Variants in WDR72 observed in about 807,000 individuals in gnomAD.
The protein encoded by WDR72 is WD repeat domain 72, also known as WD repeat-containing protein 72.
A neutral mutation model predicts 124.2 loss-of-function variants in WDR72; 120 were observed. That is an observed-to-expected ratio of 0.97 (90% CI 0.83 to 1.12). The LOEUF is 1.12. Among genes scored for constraint, WDR72 ranks in the 50% most tolerant of loss-of-function variants. The pLI, the probability that WDR72 is intolerant of heterozygous loss-of-function variation, is 0.00. For missense variants in WDR72, 1,387 were observed against 1,278.8 expected (o/e 1.08, Z -1.29); for synonymous variants, 452 against 441.7 (o/e 1.02, Z -0.29).
intron 2 of WDR72, among the ~76,000 whole-genome samples, chr15:53,726,262 G>GTA (rs539475727): frequency 1.8e-5 from 1 of 55,708 alleles, no homozygotes; most frequent in Non-Finnish European, 3.4e-5. Context: ...ATATGTATGT[G>GTA]TGTATATATA....
chr15:53,720,385 T>A (rs1480384354), intron 3 of WDR72, among the ~76,000 whole-genome samples: 2 of 152,206 alleles, frequency 1.3e-5, no homozygotes. Context: ...TTATGTCTTA[T>A]AAAGTTTCTG....
intron 14 of WDR72, among the ~76,000 whole-genome samples, chr15:53,661,780 C>CACATTT (rs1168790278): frequency 1.4e-4 from 21 of 151,836 alleles, no homozygotes; most frequent in Admixed American, 1.4e-3. Context: ...TAGTACTAAC[C>CACATTT]ACATTTCAAA....
intron 13 of WDR72, among the ~76,000 whole-genome samples, chr15:53,675,710 A>G (rs1439352107): frequency 6.6e-6 from 1 of 152,158 alleles, no homozygotes; most frequent in Non-Finnish European, 1.5e-5. Flanking sequence ...GTTCATTTAT[A>G]TGCTTCTGGT....
At chr15:53,527,369 C>A (rs1359223830) in intron 18 of WDR72, among the ~76,000 whole-genome samples, 1 of 151,984 alleles carries the variant, frequency 6.6e-6, no homozygotes, top group East Asian at 1.9e-4. Context: ...TAGGCCTAGG[C>A]AGCGAACAAC....
Position 53,578,936 on chromosome 15 carries a change from AC to A in WDR72, c.3148+18142del, listed in dbSNP as rs1442744029. ...CTGGACTAGGAGAGTCTATAAATGA[AC>A]CATAAAAACCCGATTTCATAGCTTT... On this transcript the variant is annotated intron_variant, in intron 18 of 19. Transcript: ENST00000360509. Among the ~76,000 whole-genome samples, 3 of 152,180 alleles carry A rather than the reference AC, an allele frequency of 2.0e-5. No individual in the cohort carries two copies. The East Asian group carries it at 5.8e-4, about 30-fold the overall frequency.
At chr15:53,595,069 T>C (rs1260059963) in intron 18 of WDR72, among the ~76,000 whole-genome samples, 1 of 152,132 alleles carries the variant, frequency 6.6e-6, no homozygotes, top group Non-Finnish European at 1.5e-5. Flanking sequence ...TTTGTGAATA[T>C]GTTCTTGTTC....
chr15:53,652,468 T>C lies in WDR72; in HGVS notation c.1962+13104A>G, dbSNP rs2015275624. 2.0e-5 allele frequency among the ~76,000 whole-genome samples: 3 copies of C among 152,170 alleles called. No individual in the cohort carries two copies. In the South Asian group the frequency reaches 6.2e-4, roughly 31 times the overall value. On this transcript the variant is annotated intron_variant, in intron 14 of 19. Coordinates refer to ENST00000360509, the MANE Select transcript of WDR72 (RefSeq NM_182758.4). ...GAAGCAATGTTTGCTACTTGGGGGA[T>C]ACAGAATTGTACTAGTCTTTGCATC...
At chr15:53,740,098 T>C (rs2018467219) in intron 1 of WDR72, among the ~76,000 whole-genome samples, 1 of 152,170 alleles carries the variant, frequency 6.6e-6, no homozygotes, top group African/African-American at 2.4e-5. Context: ...CTTCTCTTAC[T>C]TGAATCTTTG....
chr15:53,734,816 A>T (rs996678864), intron 1 of WDR72, among the ~76,000 whole-genome samples: 41 of 112,552 alleles, frequency 3.6e-4, no homozygotes, highest in Admixed American at 1.7e-3. Context: ...ACTAAAAAAA[A>T]AAAATAATAA....
intron 18 of WDR72, among the ~76,000 whole-genome samples, chr15:53,578,707 G>A (rs1375917965): frequency 6.6e-6 from 1 of 151,872 alleles, no homozygotes; most frequent in African/African-American, 2.4e-5. Flanking sequence ...AGAGAAAAGA[G>A]AAGCCATATG....
intron 18 of WDR72, among the ~76,000 whole-genome samples, chr15:53,559,930 G>A (rs375966247): frequency 2.6e-5 from 4 of 151,906 alleles, no homozygotes; most frequent in African/African-American, 7.2e-5. Flanking sequence ...TAAGCCTATT[G>A]GATAATCATT....
intron 18 of WDR72, chr15:53,540,881 C>G (rs539950438): frequency 6.5e-6 from 1 of 154,066 alleles, no homozygotes; most frequent in Non-Finnish European, 1.4e-5. Context: ...AAAGGGGTGA[C>G]GGACGCACCT....
rs376733675 is a variant in WDR72 at position 53,514,297 on chromosome 15, T to A, written c.*3402A>T. ...TATATAACTGAGCAATCAAAATGTA[T>A]GAATATAAAATTTAAAAAATTGAAT... is the stretch of plus-strand genomic sequence containing the variant. On this transcript the variant is annotated 3_prime_UTR_variant, in exon 20 of 20. Transcript: ENST00000360509. 6.6e-6 allele frequency: 1 copy of A among 152,136 alleles called. No individual in the cohort carries two copies. The highest frequency in any genetic ancestry group is 1.5e-5 in the Non-Finnish European group (1 of 68,024). The allele number at this position is 152,136 out of a possible 1,614,324, so 9.4% of individuals were successfully genotyped here. A position where few individuals can be genotyped will look rare whatever the true frequency, so the allele number is the denominator to read the frequency against.
At chr15:53,760,546 G>A (rs115191859), upstream of WDR72, among the ~76,000 whole-genome samples, 835 of 152,240 alleles carry the variant, frequency 5.5e-3, 9 homozygotes, top group African/African-American at 0.019. Flanking sequence ...ACTCCACCGT[G>A]TATATGTACC....
At chr15:53,724,346 A>G (rs1466267824) in intron 2 of WDR72, among the ~76,000 whole-genome samples, 1 of 146,536 alleles carries the variant, frequency 6.8e-6, no homozygotes, top group East Asian at 1.9e-4. Context: ...TGTGTTAACT[A>G]ATTTGATTGT....
chr15:53,713,195 A>ATTC (rs1257647077), intron 6 of WDR72, among the ~76,000 whole-genome samples: 2 of 151,168 alleles, frequency 1.3e-5, no homozygotes, highest in African/African-American at 4.8e-5. Flanking sequence ...ATTTCTTGAA[A>ATTC]AAAAAAAAAA....
chr15:53,616,060 C>A lies in WDR72; in HGVS notation c.2146G>T (p.Ala716Ser), dbSNP rs1440671646. ...GTCTTCTTCTCCACTGTGCTCTTGG[C>A]TCTTCTCAGGACCTCACCACCATAG... is the stretch of plus-strand genomic sequence containing the variant. ...SFYGGEVLRR[A>S]KSTVEKKTLT... Residue 716 changes from alanine (A) to serine (S), a missense_variant, in exon 15 of 20, where the codon GCC becomes TCC. By Grantham distance (99) the Ala-to-Ser change is moderately conservative (BLOSUM62 1). Transcript: ENST00000360509. The A allele has an allele frequency of 1.2e-5, 19 of 1,611,774 alleles. No individual in the cohort carries two copies. The highest frequency in any genetic ancestry group is 1.5e-5 in the Non-Finnish European group (18 of 1,178,648).
At chr15:53,745,933 C>T (rs948788844) in intron 1 of WDR72, among the ~76,000 whole-genome samples, 2 of 152,152 alleles carry the variant, frequency 1.3e-5, no homozygotes, top group Admixed American at 1.3e-4. Flanking sequence ...TGCAAAGATG[C>T]CCTTGTCTTG....
intron 17 of WDR72, among the ~76,000 whole-genome samples, chr15:53,607,097 A>C (rs1306783408): frequency 1.3e-5 from 2 of 152,166 alleles, no homozygotes; most frequent in Non-Finnish European, 2.9e-5. Context: ...TCTAGTAAAC[A>C]TTCATCGAAT....
Sources: allele counts gnomAD v4.1 joint callset (sites outside exome capture counted in the v4.1 genomes callset), GRCh38; gene constraint gnomAD v4.1.1; transcripts MANE v1.5; gene names NCBI Gene and HGNC (gene_info 2026-07-23, HGNC 2026-07-21).